RBBP5: variants seen among roughly 807,000 people sequenced by gnomAD.
RBBP5 encodes the protein retinoblastoma-binding protein 5.
In RBBP5, 5 loss-of-function variants were observed where a neutral mutation model predicts 72.2. The observed-to-expected ratio is 0.07, with a 90% CI of 0.04 to 0.15. The LOEUF is 0.15. Ranked by LOEUF, RBBP5 falls within the 10% of genes least tolerant of loss-of-function variation. RBBP5 has a pLI of 1.00. For missense variants in RBBP5, 322 were observed against 652.2 expected, an observed-to-expected ratio of 0.49 and a Z score of 5.51; for synonymous variants, 209 against 237.2, an observed-to-expected ratio of 0.88 and a Z score of 1.09.
In RBBP5 at chr1:205,099,289, T is replaced by C. The variant is rs545135111; in HGVS notation, c.979-183A>G. Among the ~76,000 whole-genome samples, 49 of 152,350 alleles carry C rather than the reference T, an allele frequency of 3.2e-4. No homozygotes were observed. Among genetic ancestry groups the C allele is most frequent in the Non-Finnish European group, 5.9e-4 (40 of 68,036 alleles). On this transcript the variant is annotated intron_variant, in intron 9 of 13. Coordinates refer to ENST00000264515, the MANE Select transcript of RBBP5 (RefSeq NM_005057.4). This position sits in a 1 kb window ranked among gnomAD's most constrained non-coding sequence, Gnocchi z 4.7. ...GCTTAGGTATTTTCTATCTTAAACA[T>C]TAAGATAAGCTAAGTTATTAACTGT...
intron 3 of RBBP5, among the ~76,000 whole-genome samples, chr1:205,107,019 T>C (rs1352610066): frequency 1.3e-5 from 2 of 151,576 alleles, no homozygotes; most frequent in African/African-American, 2.4e-5. Context: ...TAGACATATA[T>C]ATATATGTGT....
At chr1:205,118,990 C>A (rs981549936) in intron 1 of RBBP5, among the ~76,000 whole-genome samples, 2 of 152,098 alleles carry the variant, frequency 1.3e-5, no homozygotes, top group African/African-American at 4.8e-5. Flanking sequence ...TGTTCCTTTC[C>A]TTTTATCTAT....
At position 205,099,792 on chromosome 1, in the gene RBBP5, G is replaced by A. The variant is rs768371461; in HGVS notation, c.927C>T (p.Ile309=). 1 of 1,613,898 alleles carries A rather than the reference G, an allele frequency of 6.2e-7. No individual in the cohort carries two copies. The highest frequency in any genetic ancestry group is 1.7e-5 in the Admixed American group (1 of 60,024). Residue 309 remains isoleucine, a synonymous_variant, in exon 9 of 14, where the codon ATC becomes ATT. Coordinates refer to ENST00000264515, the MANE Select transcript of RBBP5 (RefSeq NM_005057.4). This position sits in a 1 kb window ranked among gnomAD's most constrained non-coding sequence, Gnocchi z 4.7. ...CCACTCCACTGGAAATGGATGCTATGATGGGTCGAACAGGATGCCACTAAA... is the reference window on the plus strand; with the variant it reads ...CCACTCCACTGGAAATGGATGCTATAATGGGTCGAACAGGATGCCACTAAA... ...LDVAWHPVRP[I]IASISSGVVS...
chr1:205,112,033 T>A lies in RBBP5; in HGVS notation c.218+2756A>T, dbSNP rs181090461. On this transcript the variant is annotated intron_variant, in intron 3 of 13. Coordinates refer to ENST00000264515, the MANE Select transcript of RBBP5 (RefSeq NM_005057.4). ...CTTACAAATTTAAAGTTATAAATTA[T>A]CTGGCTGGGCATGGAGGCTCACACC... Among the ~76,000 whole-genome samples the A allele has an allele frequency of 2.6e-5, 4 of 152,236 alleles. No individual in the cohort carries two copies. In the East Asian group the frequency reaches 5.8e-4, roughly 22 times the overall value.
intron 3 of RBBP5, among the ~76,000 whole-genome samples, chr1:205,111,595 C>T (rs1185709479): frequency 6.6e-6 from 1 of 152,202 alleles, no homozygotes; most frequent in East Asian, 1.9e-4. Flanking sequence ...CTTATTTCTA[C>T]CATTTCTCAC....
intron 3 of RBBP5, among the ~76,000 whole-genome samples, chr1:205,113,286 CT>C (rs36041282): frequency 5.2e-4 from 76 of 144,964 alleles, no homozygotes; most frequent in African/African-American, 4.5e-4. Context: ...GGTAAGAGTT[CT>C]TTTTTTTTTT....
At position 205,093,558 on chromosome 1, in the gene RBBP5, A is replaced by ACACACACACACACACACACACG. The variant is rs1474687926; in HGVS notation, c.1588+1314_1588+1315insCGTGTGTGTGTGTGTGTGTGTG. Among the ~76,000 whole-genome samples the ACACACACACACACACACACACG allele has an allele frequency of 1.7e-3, 196 of 115,950 alleles. 8 individuals carry two copies. The highest frequency in any genetic ancestry group is 4.1e-3 in the South Asian group (13 of 3,196). The allele number at this position is 115,950 out of a possible 152,430, so 76.1% of individuals were successfully genotyped here. ...TACACACACACACACACACACACAC[A>ACACACACACACACACACACACG]CACACACACACAGCATTATATGTAT... On this transcript the variant is annotated intron_variant, in intron 13 of 13. Coordinates refer to ENST00000264515, the MANE Select transcript of RBBP5 (RefSeq NM_005057.4).
intron 3 of RBBP5, among the ~76,000 whole-genome samples, chr1:205,108,230 A>G (rs1160387807): frequency 6.8e-6 from 1 of 147,232 alleles, no homozygotes; most frequent in Admixed American, 6.8e-5. Flanking sequence ...GTGACAGAGC[A>G]TGAATCCGTC....
At chr1:205,115,915 C>T in intron 1 of RBBP5, 32 bp from the exon 2 acceptor site, 1 of 1,613,826 alleles carries the variant, frequency 6.2e-7, no homozygotes, top group South Asian at 1.1e-5. Context: ...GTTGATGGCA[C>T]ATGTACCACA....
chr1:205,117,764 T>C (rs1039067502), intron 1 of RBBP5, among the ~76,000 whole-genome samples: 1 of 151,964 alleles, frequency 6.6e-6, no homozygotes, highest in Non-Finnish European at 1.5e-5. Context: ...CACTGAAAAT[T>C]TGGGATGGGG....
At chr1:205,097,052 G>C (rs1371710326) in intron 11 of RBBP5, 141 bp from the exon 12 acceptor site, 67 of 770,826 alleles carry the variant, frequency 8.7e-5, no homozygotes, top group Non-Finnish European at 1.2e-5. Flanking sequence ...AAGAATAAAA[G>C]GGAATCAAAC....
At chr1:205,121,235 G>C (rs1656725797) in intron 1 of RBBP5, among the ~76,000 whole-genome samples, 1 of 152,188 alleles carries the variant, frequency 6.6e-6, no homozygotes, top group South Asian at 2.1e-4. Context: ...ATGACTCAAA[G>C]TGAGGGCGAC....
At position 205,099,840 on chromosome 1, in the gene RBBP5, A is replaced by C. The variant is rs950654748; in HGVS notation, c.907-28T>G. 6.2e-7 allele frequency: 1 copy of C among 1,613,616 alleles called. No homozygotes were observed. The highest frequency in any genetic ancestry group is 8.5e-7 in the Non-Finnish European group (1 of 1,179,552). On this transcript the variant is annotated intron_variant, in intron 8 of 13. Transcript: ENST00000264515. This position sits in a 1 kb window ranked among gnomAD's most constrained non-coding sequence, Gnocchi z 4.7. ...AAATTTTAGTGAAGGAAAGAAAAAC[A>C]GGTTGTTAAGAACAGATTTTAGATT...
At chr1:205,121,142 T>C (rs961391845) in intron 1 of RBBP5, among the ~76,000 whole-genome samples, 7 of 152,184 alleles carry the variant, frequency 4.6e-5, no homozygotes, top group African/African-American at 9.7e-5. Flanking sequence ...ACCCCTAGAA[T>C]ACCATGCTAA....
At chr1:205,120,183 T>C (rs1372109273) in intron 1 of RBBP5, among the ~76,000 whole-genome samples, 2 of 152,252 alleles carry the variant, frequency 1.3e-5, no homozygotes, top group Middle Eastern at 6.8e-3. Context: ...TCATCACTCA[T>C]ATAATCTACC....
chr1:205,099,829 G>T lies in RBBP5; in HGVS notation c.907-17C>A. 6.2e-7 allele frequency: 1 copy of T among 1,613,626 alleles called. No homozygotes were observed. The highest frequency in any genetic ancestry group is 8.5e-7 in the Non-Finnish European group (1 of 1,179,670). On this transcript the variant is annotated splice_polypyrimidine_tract_variant and intron_variant, in intron 8 of 13. Coordinates refer to ENST00000264515, the MANE Select transcript of RBBP5 (RefSeq NM_005057.4). This position sits in a 1 kb window ranked among gnomAD's most constrained non-coding sequence, Gnocchi z 4.7. ...AGGATGCCACTAAATTTTAGTGAAG[G>T]AAAGAAAAACAGGTTGTTAAGAACA...
At chr1:205,108,113 C>G (rs1321298860) in intron 3 of RBBP5, among the ~76,000 whole-genome samples, 1 of 151,744 alleles carries the variant, frequency 6.6e-6, no homozygotes, top group East Asian at 1.9e-4. Context: ...TGTGGTAGTG[C>G]ACGCCTGTAG....
At chr1:205,121,273 C>T (rs1197413831) in intron 1 of RBBP5, among the ~76,000 whole-genome samples, 2 of 152,212 alleles carry the variant, frequency 1.3e-5, no homozygotes, top group African/African-American at 4.8e-5. Context: ...GTATTTCACA[C>T]CTCAGTGTTT....
rs12072876 is a variant in RBBP5 at position 205,097,309 on chromosome 1, C to T, written c.1166+17G>A. 3.2e-6 allele frequency: 5 copies of T among 1,551,348 alleles called. No individual in the cohort carries two copies. Among genetic ancestry groups the T allele is most frequent in the Non-Finnish European group, 4.4e-6 (5 of 1,146,822 alleles). On this transcript the variant is annotated intron_variant, in intron 11 of 13. Coordinates refer to ENST00000264515, the MANE Select transcript of RBBP5 (RefSeq NM_005057.4). ...AGCAGCAGTAGCCAAGGTGCCCAGCCTTCCGGGCCGGCTCACCTGCTACAG... is the reference window on the plus strand; with the variant it reads ...AGCAGCAGTAGCCAAGGTGCCCAGCTTTCCGGGCCGGCTCACCTGCTACAG...
Sources: gnomAD v4.1 joint callset for allele counts (sites outside exome capture counted in the v4.1 genomes callset) on GRCh38, gnomAD v4.1.1 for gene constraint, Gnocchi (gnomAD v3.1) non-coding constraint, MANE v1.5 for transcripts, NCBI Gene and HGNC (gene_info 2026-07-23, HGNC 2026-07-21) for gene names.